The following TOMM20L variants were observed in gnomAD, a reference collection of about 807,000 sequenced individuals.
The protein encoded by TOMM20L is translocase of outer mitochondrial membrane 20 like.
TOMM20L carries 19 observed loss-of-function variants against 20.4 expected under a neutral mutation model. That is an observed-to-expected ratio of 0.93 (90% CI 0.65 to 1.36). The LOEUF is 1.36. TOMM20L is among the 40% of genes most tolerant of loss of function. The probability of loss-of-function intolerance (pLI) is 0.00; values close to 1 mark genes in which losing one functional copy is unlikely to be tolerated. For missense variants in TOMM20L, 218 were observed against 203.7 expected (o/e 1.07, Z -0.43); for synonymous variants, 75 against 79.6 (o/e 0.94, Z 0.30).
At position 58,408,630 on chromosome 14, in the gene TOMM20L, T is replaced by C. The variant is rs1186001366; in HGVS notation, c.*48T>C. 6.5e-7 allele frequency: 1 copy of C among 1,528,888 alleles called. No homozygotes were observed. Among genetic ancestry groups the C allele is most frequent in the Non-Finnish European group, 9.0e-7 (1 of 1,113,088 alleles). The allele number at this position is 1,528,888 out of a possible 1,614,324, so 94.7% of individuals were successfully genotyped here. On this transcript the variant is annotated 3_prime_UTR_variant, in exon 5 of 5. Coordinates refer to ENST00000360945, the MANE Select transcript of TOMM20L (RefSeq NM_207377.3). ...GTCCAGTGAGAATACTATGGTACCA[T>C]ACAGTATAAACAACTGCTCAGTGAT... is the stretch of plus-strand genomic sequence containing the variant.
At chr14:58,396,160 C>T (rs1222024270) in intron 1 of TOMM20L, 67 bp downstream of exon 1, 3 of 1,310,456 alleles carry the variant, frequency 2.3e-6, no homozygotes, top group African/African-American at 3.1e-5. Flanking sequence ...GCCGGGAGGG[C>T]CCCCCACTGA....
chr14:58,396,985 T>C (rs2035934963), intron 2 of TOMM20L, among the ~76,000 whole-genome samples: 1 of 152,122 alleles, frequency 6.6e-6, no homozygotes, highest in South Asian at 2.1e-4. Context: ...TCTCAGCTAC[T>C]TGGGAGACTG....
rs887742098 is a variant in TOMM20L at position 58,407,195 on chromosome 14, A to C, written c.263-131A>C. ...TCCTCATATTTGTACTCTACTCTTC[A>C]CAAGACTTGTCTAAGTAGTCTTTAG... On this transcript the variant is annotated intron_variant, in intron 3 of 4. Transcript: ENST00000360945. 4 of 823,762 alleles carry C rather than the reference A, an allele frequency of 4.9e-6. No homozygotes were observed. In the African/African-American group the frequency reaches 7.0e-5, roughly 14 times the overall value. 51.0% of individuals were successfully genotyped at this position (823,762 alleles called of 1,614,324 possible). A position where few individuals can be genotyped will look rare whatever the true frequency, so the allele number is the denominator to read the frequency against.
chr14:58,396,176 CG>C, intron 1 of TOMM20L, 83 bp downstream of exon 1: 1 of 1,381,956 alleles, frequency 7.2e-7, no homozygotes, highest in Non-Finnish European at 9.4e-7. Flanking sequence ...ACTGAGAGGC[CG>C]GGCCGTGAGT....
intron 3 of TOMM20L, among the ~76,000 whole-genome samples, chr14:58,404,796 C>T (rs1294630216): frequency 6.6e-6 from 1 of 152,030 alleles, no homozygotes; most frequent in Non-Finnish European, 1.5e-5. Flanking sequence ...ACGATTTTTG[C>T]TTTTAGATGG....
chr14:58,402,841 A>G (rs1403813598), intron 3 of TOMM20L, 80 bp downstream of exon 3: 1 of 1,093,610 alleles, frequency 9.1e-7, no homozygotes, highest in East Asian at 2.4e-5. Flanking sequence ...TGTATGTCAA[A>G]TAACTAGCTG....
intron 2 of TOMM20L, among the ~76,000 whole-genome samples, chr14:58,397,521 C>G (rs1458454036): frequency 1.3e-5 from 2 of 152,112 alleles, no homozygotes; most frequent in Non-Finnish European, 2.9e-5. Flanking sequence ...GACTTTGTAG[C>G]GGAAGTGGCA....
chr14:58,397,008 T>A (rs905118832), intron 2 of TOMM20L, among the ~76,000 whole-genome samples: 1 of 152,160 alleles, frequency 6.6e-6, no homozygotes, highest in Non-Finnish European at 1.5e-5. Context: ...GCAGGAGAAT[T>A]GCTTGAGTCC....
chr14:58,408,598 A>T lies in TOMM20L; in HGVS notation c.*16A>T, dbSNP rs749170444. The T allele has an allele frequency of 7.4e-6, 12 of 1,611,888 alleles. No individual in the cohort carries two copies. Among genetic ancestry groups the T allele is most frequent in the Non-Finnish European group, 1.0e-5 (12 of 1,178,140 alleles). On this transcript the variant is annotated 3_prime_UTR_variant, in exon 5 of 5. Transcript: ENST00000360945. ...TCCTGATTGAAAAACATTTCAACGT[A>T]TCCACAGTCCAGTGAGAATACTATG...
chr14:58,411,092 C>T (rs2036200157), downstream of TOMM20L, among the ~76,000 whole-genome samples: 1 of 152,138 alleles, frequency 6.6e-6, no homozygotes, highest in South Asian at 2.1e-4. Context: ...GTATGATCTA[C>T]AGAATAGTTT....
intron 2 of TOMM20L, among the ~76,000 whole-genome samples, chr14:58,401,498 A>G (rs2035991904): frequency 6.6e-6 from 1 of 150,486 alleles, no homozygotes; most frequent in African/African-American, 2.5e-5. Context: ...TGAACCTGGG[A>G]GGCGGAGCTT....
chr14:58,405,786 G>T (rs1420827191), intron 3 of TOMM20L, among the ~76,000 whole-genome samples: 1 of 152,214 alleles, frequency 6.6e-6, no homozygotes, highest in East Asian at 1.9e-4. Context: ...TTACAGGCGT[G>T]AGCCACCACA....
downstream of TOMM20L, chr14:58,409,150 A>C: frequency 6.2e-7 from 1 of 1,613,956 alleles, no homozygotes; most frequent in Non-Finnish European, 8.5e-7. Flanking sequence ...TTCTGTAAGC[A>C]ATGTTCTGAA....
At chr14:58,409,609 C>T (rs144727538), downstream of TOMM20L, among the ~76,000 whole-genome samples, 109 of 152,140 alleles carry the variant, frequency 7.2e-4, no homozygotes, top group East Asian at 0.011. Context: ...GAGGGAGTCT[C>T]GCTGTGTCAC....
intron 2 of TOMM20L, among the ~76,000 whole-genome samples, chr14:58,397,985 G>C (rs2035948672): frequency 6.6e-6 from 1 of 152,164 alleles, no homozygotes; most frequent in South Asian, 2.1e-4. Context: ...TGCCGACTGA[G>C]TAAAGGGTAA....
chr14:58,412,753 T>A (rs2036262423), downstream of TOMM20L, among the ~76,000 whole-genome samples: 1 of 151,960 alleles, frequency 6.6e-6, no homozygotes, highest in Non-Finnish European at 1.5e-5. Context: ...ATACAAAAAT[T>A]GGCCAGACGT....
At chr14:58,414,036 A>C in the TOMM20L span, among the ~76,000 whole-genome samples, 14 of 144,302 alleles carry the variant, frequency 9.7e-5, no homozygotes, top group African/African-American at 3.4e-4. Context: ...AAAAAAAAAA[A>C]GGTTTGTATA....
rs573947496 is a variant in TOMM20L at position 58,400,964 on chromosome 14, T to C, written c.181-1716T>C. On this transcript the variant is annotated intron_variant, in intron 2 of 4. Coordinates refer to ENST00000360945, the MANE Select transcript of TOMM20L (RefSeq NM_207377.3). ...GTTCCCTGCAATTTTGCGTTGCTTA[T>C]ACTTTCCTCATCAAACTTTCACTGA... Among the ~76,000 whole-genome samples, 5 of 152,352 alleles carry C rather than the reference T, an allele frequency of 3.3e-5. No individual in the cohort carries two copies. In the South Asian group the frequency reaches 1.0e-3, roughly 32 times the overall value.
intron 2 of TOMM20L, among the ~76,000 whole-genome samples, chr14:58,398,297 A>G (rs1333853118): frequency 6.6e-6 from 1 of 152,184 alleles, no homozygotes; most frequent in Non-Finnish European, 1.5e-5. Flanking sequence ...CCTAGAACAG[A>G]GTCTAGTGCG....
Sources: allele counts gnomAD v4.1 joint callset (sites outside exome capture counted in the v4.1 genomes callset), GRCh38; gene constraint gnomAD v4.1.1; transcripts MANE v1.5; gene names NCBI Gene and HGNC (gene_info 2026-07-23, HGNC 2026-07-21).